The following ZNF793 variants were observed in gnomAD, a reference collection of about 807,000 sequenced individuals.
ZNF793 encodes zinc finger protein 793.
A neutral mutation model predicts 12.4 loss-of-function variants in ZNF793; 5 were observed. That is an observed-to-expected ratio of 0.40 (90% confidence interval 0.21 to 0.84). ZNF793 has a LOEUF of 0.84. Among genes scored for constraint, ZNF793 ranks in the 40% least tolerant of loss-of-function variants. The pLI, the probability that ZNF793 is intolerant of heterozygous loss-of-function variation, is 0.35. For synonymous variants in ZNF793, 162 were observed against 172.4 expected (o/e 0.94, Z 0.47); for missense variants, 456 against 495.0 (o/e 0.92, Z 0.75).
intron 5 of ZNF793, among the ~76,000 whole-genome samples, chr19:37,527,300 C>T (rs1328593716): frequency 6.6e-6 from 1 of 152,148 alleles, no homozygotes; most frequent in Admixed American, 6.5e-5. Flanking sequence ...GTGATCCACC[C>T]TCCTCAGCCT....
Position 37,536,965 on chromosome 19 carries a change from A to G in ZNF793, c.307A>G (p.Ile103Val), listed in dbSNP as rs769971762. The change falls in exon 8 of 8, where the codon ATA (isoleucine) becomes GTA (valine). Residue 103 changes from isoleucine to valine, a missense_variant. Physicochemically the swap from Ile to Val is conservative, Grantham distance 29. Coordinates refer to ENST00000627814, the MANE Select transcript of ZNF793 (RefSeq NM_001013659.3). ...CATGCTTTTGAGGCCAGGCGCAGCC[A>G]TAAGCAAGAAAACATTGCCCAAGGA... ...QDMLLRPGAA[I>V]SKKTLPKEKS... 2.5e-6 allele frequency: 4 copies of G among 1,613,924 alleles called. No individual in the cohort carries two copies. In the Admixed American group the frequency reaches 5.0e-5, roughly 20 times the overall value.
Position 37,540,671 on chromosome 19 carries a change from T to G in ZNF793, c.*2792T>G, listed in dbSNP as rs1190787726. 6.6e-6 allele frequency: 1 copy of G among 151,756 alleles called. No individual in the cohort carries two copies. Among genetic ancestry groups the G allele is most frequent in the Non-Finnish European group, 1.5e-5 (1 of 67,910 alleles). The allele number at this position is 151,756 out of a possible 1,614,324, so 9.4% of individuals were successfully genotyped here. ...TTCCAGTGAAGGCAATAAAAAGAAA[T>G]GAATTGGTATAAACAGCAGAAAAGG... On this transcript the variant is annotated 3_prime_UTR_variant, in exon 8 of 8. Coordinates refer to ENST00000627814, the MANE Select transcript of ZNF793 (RefSeq NM_001013659.3).
At position 37,536,961 on chromosome 19, in the gene ZNF793, A is replaced by G. The variant is rs2042510000; in HGVS notation, c.303A>G (p.Ala101=). 1.2e-6 allele frequency: 2 copies of G among 1,613,906 alleles called. No individual in the cohort carries two copies. The highest frequency in any genetic ancestry group is 1.7e-6 in the Non-Finnish European group (2 of 1,179,854). The change falls in exon 8 of 8, where the codon GCA becomes GCG. Residue 101 remains alanine (A), a synonymous_variant. Transcript: ENST00000627814. ...RRQDMLLRPG[A]AISKKTLPKE... Reference sequence around the variant, plus strand: ...AAGACATGCTTTTGAGGCCAGGCGCAGCCATAAGCAAGAAAACATTGCCCA... The same window carrying G: ...AAGACATGCTTTTGAGGCCAGGCGCGGCCATAAGCAAGAAAACATTGCCCA...
chr19:37,510,988 C>A (rs2042290583), intron 2 of ZNF793, among the ~76,000 whole-genome samples: 1 of 152,010 alleles, frequency 6.6e-6, no homozygotes, highest in African/African-American at 2.4e-5. Flanking sequence ...TGAGCCACCA[C>A]ACCCGGCCAA....
Position 37,537,182 on chromosome 19 carries a change from G to A in ZNF793, c.524G>A (p.Arg175His), listed in dbSNP as rs200312043. The A allele has an allele frequency of 1.1e-4, 171 of 1,613,478 alleles. 2 individuals are homozygous for A. In the East Asian group the frequency reaches 2.3e-3, roughly 22 times the overall value. The change falls in exon 8 of 8, where the codon CGT becomes CAT. Residue 175 changes from arginine (R) to histidine (H), a missense_variant. Physicochemically the swap from Arg to His is conservative, Grantham distance 29 (BLOSUM62 0). Transcript: ENST00000627814. ...ECYAYGKLLQ[R>H]INHGRRPNGE... Reference sequence around the variant, plus strand: ...TATGCTTATGGGAAATTGCTTCAGCGTATAAATCATGGTAGACGACCTAAT... The same window carrying A: ...TATGCTTATGGGAAATTGCTTCAGCATATAAATCATGGTAGACGACCTAAT...
intron 5 of ZNF793, 129 bp downstream of exon 5, chr19:37,523,583 G>A: frequency 2.4e-6 from 2 of 838,714 alleles, no homozygotes; most frequent in South Asian, 1.6e-5. Context: ...CTGACTCATA[G>A]ATGGAGATTT....
At chr19:37,526,835 T>C (rs1289201914) in intron 5 of ZNF793, among the ~76,000 whole-genome samples, 1 of 152,246 alleles carries the variant, frequency 6.6e-6, no homozygotes, top group Non-Finnish European at 1.5e-5. Context: ...CGGCCACTCC[T>C]GGAGGTGGTA....
rs1427096067 is a variant in ZNF793 at position 37,540,659 on chromosome 19, A to G, written c.*2780A>G. 1 of 151,950 alleles carries G rather than the reference A, an allele frequency of 6.6e-6. No individual in the cohort carries two copies. The highest frequency in any genetic ancestry group is 2.4e-5 in the African/African-American group (1 of 41,406). 9.4% of individuals were successfully genotyped at this position (151,950 alleles called of 1,614,324 possible). A position where few individuals can be genotyped will look rare whatever the true frequency, so the allele number is the denominator to read the frequency against. ...TTGGCTTAGAGATTCCAGTGAAGGC[A>G]ATAAAAAGAAATGAATTGGTATAAA... On this transcript the variant is annotated 3_prime_UTR_variant, in exon 8 of 8. Transcript: ENST00000627814.
intron 5 of ZNF793, among the ~76,000 whole-genome samples, chr19:37,528,805 A>G (rs2042435678): frequency 6.6e-6 from 1 of 151,460 alleles, no homozygotes; most frequent in Non-Finnish European, 1.5e-5. Flanking sequence ...CTCCTGCTGA[A>G]CTCATCTTCT....
At position 37,537,747 on chromosome 19, in the gene ZNF793, A is replaced by G; in HGVS notation, c.1089A>G (p.Gly363=). 2 of 1,614,112 alleles carry G rather than the reference A, an allele frequency of 1.2e-6. No homozygotes were observed. Among genetic ancestry groups the G allele is most frequent in the Non-Finnish European group, 1.7e-6 (2 of 1,179,980 alleles). Residue 363 remains glycine, a synonymous_variant, in exon 8 of 8, where the codon GGA becomes GGG. Coordinates refer to ENST00000627814, the MANE Select transcript of ZNF793 (RefSeq NM_001013659.3). ...CLNKHWRTHT[G]EKPYGCNECG... Reference sequence around the variant, plus strand: ...ATAAACATTGGAGAACTCACACAGGAGAGAAGCCCTATGGGTGCAATGAAT... The same window carrying G: ...ATAAACATTGGAGAACTCACACAGGGGAGAAGCCCTATGGGTGCAATGAAT...
chr19:37,522,330 T>G (rs1232098483), intron 3 of ZNF793, among the ~76,000 whole-genome samples: 1 of 152,156 alleles, frequency 6.6e-6, no homozygotes, highest in Middle Eastern at 3.2e-3. Flanking sequence ...CCTGAGTAGC[T>G]GGGATTACAG....
At chr19:37,527,372 CT>C (rs1165146240) in intron 5 of ZNF793, among the ~76,000 whole-genome samples, 2 of 152,106 alleles carry the variant, frequency 1.3e-5, no homozygotes, top group Admixed American at 1.3e-4. Context: ...TTTTCCCTTT[CT>C]TACAGATTTC....
chr19:37,542,992 A>T lies in ZNF793; in HGVS notation c.*5113A>T, dbSNP rs1196810362. ...TGACTGAATCACGGGTGATACCACAAATGTGTGAGTTAGTAAATTTGGCTG... is the reference window on the plus strand; with the variant it reads ...TGACTGAATCACGGGTGATACCACATATGTGTGAGTTAGTAAATTTGGCTG... On this transcript the variant is annotated 3_prime_UTR_variant, in exon 8 of 8. Coordinates refer to ENST00000627814, the MANE Select transcript of ZNF793 (RefSeq NM_001013659.3). 6.6e-6 allele frequency: 1 copy of T among 152,204 alleles called. No homozygotes were observed. The highest frequency in any genetic ancestry group is 2.4e-5 in the African/African-American group (1 of 41,448). 9.4% of individuals were successfully genotyped at this position (152,204 alleles called of 1,614,324 possible). A position where few individuals can be genotyped will look rare whatever the true frequency, so the allele number is the denominator to read the frequency against.
At position 37,522,260 on chromosome 19, in the gene ZNF793, C is replaced by T. The variant is rs112951948; in HGVS notation, c.-146-272C>T. On this transcript the variant is annotated intron_variant, in intron 3 of 7. Transcript: ENST00000627814. ...TCACCCAGGTTGGAGTGCAATGGCG[C>T]GATCTTGGCTCACTGCAACCTCTGC... Among the ~76,000 whole-genome samples, 920 of 152,194 alleles carry T rather than the reference C, an allele frequency of 6.0e-3. 11 individuals are homozygous for T. The highest frequency in any genetic ancestry group is 0.021 in the African/African-American group (861 of 41,516).
Position 37,513,665 on chromosome 19 carries a change from CAAAG to C in ZNF793, c.-276+5270_-276+5273del, listed in dbSNP as rs61528423. On this transcript the variant is annotated intron_variant, in intron 2 of 7. Transcript: ENST00000627814. ...AATGAGGTATTGGCAACTAAGAAGA[CAAAG>C]AAAGAAACTTTCAGAAACGTGGTAA... 8.2e-3 allele frequency among the ~76,000 whole-genome samples: 1,251 copies of C among 152,248 alleles called. 14 individuals carry two copies. Among genetic ancestry groups the C allele is most frequent in the African/African-American group, 0.028 (1,179 of 41,540 alleles).
chr19:37,537,380 A>T lies in ZNF793; in HGVS notation c.722A>T (p.Glu241Val), dbSNP rs551086960. The part of the protein sequence containing the change: ...ECGKAFCYKS[E>V]FIRHQRSHTG... ...GGGAAAGCCTTCTGCTACAAGTCTG[A>T]ATTCATTAGGCATCAGAGAAGTCAC... Residue 241 changes from glutamate (E) to valine (V), a missense_variant, in exon 8 of 8, where the codon GAA becomes GTA. By Grantham distance (121) the Glu-to-Val change is moderately radical. Transcript: ENST00000627814. The T allele has an allele frequency of 1.2e-6, 2 of 1,613,032 alleles. No homozygotes were observed. Among genetic ancestry groups the T allele is most frequent in the Non-Finnish European group, 1.7e-6 (2 of 1,179,404 alleles).
intron 4 of ZNF793, among the ~76,000 whole-genome samples, chr19:37,523,044 CAG>C (rs1399188666): frequency 3.3e-5 from 5 of 152,082 alleles, no homozygotes; most frequent in African/African-American, 9.7e-5. Flanking sequence ...ATTTTTGAGA[CAG>C]GGTCTTACTC....
At chr19:37,528,654 T>C (rs952270819) in intron 5 of ZNF793, among the ~76,000 whole-genome samples, 10 of 152,144 alleles carry the variant, frequency 6.6e-5, no homozygotes, top group Admixed American at 1.3e-4. Context: ...TCTCCCTCAG[T>C]GACTGTCCTG....
In ZNF793 at chr19:37,537,820, A is replaced by G. The variant is rs1372268147; in HGVS notation, c.1162A>G (p.Ile388Val). The change falls in exon 8 of 8, where the codon ATT becomes GTT. Residue 388 changes from isoleucine to valine, a missense_variant. Coordinates refer to ENST00000627814, the MANE Select transcript of ZNF793 (RefSeq NM_001013659.3). ...GCCAAACCTCAGCAGACATCAGAAA[A>G]TTCATGCTCGGAAGAATGCCTACAG... ...QKPNLSRHQK[I>V]HARKNAYRNE... 6.2e-7 allele frequency: 1 copy of G among 1,613,384 alleles called. No homozygotes were observed. The highest frequency in any genetic ancestry group is 1.1e-5 in the South Asian group (1 of 91,052).
Sources: allele counts gnomAD v4.1 joint callset (sites outside exome capture counted in the v4.1 genomes callset), GRCh38; gene constraint gnomAD v4.1.1; transcripts MANE v1.5; gene names NCBI Gene and HGNC (gene_info 2026-07-23, HGNC 2026-07-21).